The following DNM3 variants were observed in gnomAD, a reference collection of about 807,000 sequenced individuals.
DNM3 encodes dynamin 3, also known as dynamin-3.
DNM3 carries 47 observed loss-of-function variants against 101.6 expected under a neutral mutation model. The ratio of observed to expected loss-of-function variants is 0.46; its 90% CI spans 0.37 to 0.59. The LOEUF (loss-of-function observed/expected upper bound fraction) is 0.59, where lower values mean the gene tolerates loss of function less well. Among genes scored for constraint, DNM3 ranks in the 20% least tolerant of loss-of-function variants. The probability of loss-of-function intolerance (pLI) is 0.00; values close to 1 mark genes in which losing one functional copy is unlikely to be tolerated. For missense variants in DNM3, 849 were observed against 1,085.7 expected (o/e 0.78, Z 3.06); for synonymous variants, 385 against 387.9 (o/e 0.99, Z 0.09).
chr1:172,119,530 C>T (rs1175573757), intron 13 of DNM3, among the ~76,000 whole-genome samples: 1 of 152,140 alleles, frequency 6.6e-6, no homozygotes, highest in Non-Finnish European at 1.5e-5. Flanking sequence ...ATCCTCTCCT[C>T]CCAGACATTG....
intron 17 of DNM3, among the ~76,000 whole-genome samples, chr1:172,331,081 T>C (rs1291050702): frequency 6.6e-6 from 1 of 152,216 alleles, no homozygotes; most frequent in Non-Finnish European, 1.5e-5. Flanking sequence ...CCCTCATTCA[T>C]TGCCTATTGC....
chr1:172,037,728 A>T (rs1384707184), intron 6 of DNM3, among the ~76,000 whole-genome samples: 1 of 152,188 alleles, frequency 6.6e-6, no homozygotes, highest in East Asian at 1.9e-4. Context: ...TCAAGCCTTC[A>T]ATAGCAGAGA....
At chr1:172,369,682 A>T (rs912436553) in intron 17 of DNM3, among the ~76,000 whole-genome samples, 7 of 151,948 alleles carry the variant, frequency 4.6e-5, no homozygotes, top group Admixed American at 4.6e-4. Context: ...AGTGTAACAT[A>T]TACATTAGAT....
At chr1:172,054,228 T>G (rs1016594562) in intron 10 of DNM3, among the ~76,000 whole-genome samples, 9 of 152,220 alleles carry the variant, frequency 5.9e-5, no homozygotes, top group Admixed American at 2.6e-4. Flanking sequence ...CATATGTGAT[T>G]TATGTGTGTT....
At chr1:172,405,523 G>A (rs1244953143) in intron 20 of DNM3, among the ~76,000 whole-genome samples, 1 of 152,142 alleles carries the variant, frequency 6.6e-6, no homozygotes, top group Middle Eastern at 3.4e-3. Context: ...TACAAGCCTT[G>A]ATCCAAGCTA....
chr1:172,348,176 A>G (rs1280044293), intron 17 of DNM3, among the ~76,000 whole-genome samples: 1 of 152,206 alleles, frequency 6.6e-6, no homozygotes, highest in African/African-American at 2.4e-5. Context: ...GCCATGAACC[A>G]AGGATTATAG....
chr1:171,946,616 GTCCATTTGTGTT>G, intron 2 of DNM3, among the ~76,000 whole-genome samples: 1 of 152,284 alleles, frequency 6.6e-6, no homozygotes, highest in East Asian at 1.9e-4. Context: ...TCCTGTCTTA[GTCCATTTGTGTT>G]GCTGTAAAGG....
At chr1:171,849,168 T>C (rs551759538) in intron 1 of DNM3, among the ~76,000 whole-genome samples, 2 of 152,216 alleles carry the variant, frequency 1.3e-5, no homozygotes. Context: ...ATGGTGCTTA[T>C]TTTTTTAGAT....
chr1:172,318,005 T>G (rs1482809814), intron 16 of DNM3, among the ~76,000 whole-genome samples: 1 of 152,146 alleles, frequency 6.6e-6, no homozygotes, highest in Non-Finnish European at 1.5e-5. Flanking sequence ...ACTGGCAAAC[T>G]GAATCCAGCA....
At chr1:172,019,879 A>G (rs933436034) in intron 4 of DNM3, among the ~76,000 whole-genome samples, 1 of 151,702 alleles carries the variant, frequency 6.6e-6, no homozygotes, top group Non-Finnish European at 1.5e-5. Context: ...TAGGCTGTAT[A>G]TCTTATCTAC....
chr1:172,410,480 GTTTA>G lies in DNM3; in HGVS notation c.*2643_*2646del, dbSNP rs2149135233. ...GGATTTGGGAAAATAAACTGTAAAT[GTTTA>G]TTTGATAGGTAAATATAGTTTTATT... On this transcript the variant is annotated 3_prime_UTR_variant, in exon 21 of 21. Coordinates refer to ENST00000627582, the MANE Select transcript of DNM3 (RefSeq NM_015569.5). The G allele has an allele frequency of 2.0e-6, 2 of 983,862 alleles. No individual in the cohort carries two copies. Among genetic ancestry groups the G allele is most frequent in the African/African-American group, 1.7e-5 (1 of 57,280 alleles). The allele number at this position is 983,862 out of a possible 1,614,324, so 60.9% of individuals were successfully genotyped here. A position where few individuals can be genotyped will look rare whatever the true frequency, so the allele number is the denominator to read the frequency against.
chr1:172,380,363 G>A (rs887444028), intron 18 of DNM3, among the ~76,000 whole-genome samples: 1 of 151,880 alleles, frequency 6.6e-6, no homozygotes. Flanking sequence ...TTCTAAATAC[G>A]ACAGTCCGTT....
At chr1:172,035,966 A>G (rs1235325943) in intron 6 of DNM3, among the ~76,000 whole-genome samples, 1 of 152,016 alleles carries the variant, frequency 6.6e-6, no homozygotes, top group Non-Finnish European at 1.5e-5. Flanking sequence ...GTCAATCTGG[A>G]TATGTTAATT....
At chr1:172,355,636 A>C (rs895618973) in intron 17 of DNM3, among the ~76,000 whole-genome samples, 1 of 152,146 alleles carries the variant, frequency 6.6e-6, no homozygotes, top group Non-Finnish European at 1.5e-5. Flanking sequence ...GACGTAGTGA[A>C]CTGGAAAGAG....
intron 14 of DNM3, among the ~76,000 whole-genome samples, chr1:172,198,429 T>C (rs1316519601): frequency 1.3e-5 from 2 of 152,126 alleles, no homozygotes; most frequent in East Asian, 3.9e-4. Context: ...GCTGGCCTCA[T>C]AGATTAAGTT....
rs796437677 is a variant in DNM3 at position 172,270,818 on chromosome 1, G to GA, written c.1769+17146dup. ...TGCCTGTGTTTATTTCTTAGAATCT[G>GA]AAAAAAAAAAGTACTGTGGGTATAA... On this transcript the variant is annotated intron_variant, in intron 15 of 20. Transcript: ENST00000627582. 8.2e-3 allele frequency among the ~76,000 whole-genome samples: 1,206 copies of GA among 147,498 alleles called. 15 individuals carry two copies. Among genetic ancestry groups the GA allele is most frequent in the African/African-American group, 0.027 (1,094 of 40,310 alleles).
intron 9 of DNM3, 133 bp downstream of exon 9, chr1:172,044,585 A>G (rs1010166442): frequency 4.0e-6 from 3 of 740,776 alleles, no homozygotes; most frequent in Non-Finnish European, 6.5e-6. Context: ...GAAACAGGAA[A>G]TCCTACTTTG....
In DNM3 at chr1:172,332,957, C is replaced by T. The variant is rs967146292; in HGVS notation, c.1893+9617C>T. Among the ~76,000 whole-genome samples the T allele has an allele frequency of 4.6e-5, 7 of 152,022 alleles. No homozygotes were observed. The South Asian group carries it at 8.3e-4, about 18-fold the overall frequency. ...GCAGACAGAGATTTAGAAGTTGTTA[C>T]GTATTTAAAATCTTGGCACCTAGGA... is the stretch of plus-strand genomic sequence containing the variant. On this transcript the variant is annotated intron_variant, in intron 17 of 20. Coordinates refer to ENST00000627582, the MANE Select transcript of DNM3 (RefSeq NM_015569.5).
At chr1:172,130,736 CT>C (rs1483865503) in intron 13 of DNM3, among the ~76,000 whole-genome samples, 10 of 152,136 alleles carry the variant, frequency 6.6e-5, no homozygotes, top group Admixed American at 6.6e-4. Flanking sequence ...TGGCAGGTCT[CT>C]GGTGGAAATC....
Sources: gnomAD v4.1 joint callset for allele counts (sites outside exome capture counted in the v4.1 genomes callset) on GRCh38, gnomAD v4.1.1 for gene constraint, MANE v1.5 for transcripts, NCBI Gene and HGNC (gene_info 2026-07-23, HGNC 2026-07-21) for gene names.